Variants in ANGPT1 observed in about 807,000 individuals in gnomAD.
ANGPT1 encodes angiopoietin 1, also known as angiopoietin-1.
ANGPT1 carries 17 observed loss-of-function variants against 62.2 expected under a neutral mutation model. The observed-to-expected ratio is 0.27, with a 90% CI of 0.19 to 0.41. The LOEUF is 0.41. Among genes scored for constraint, ANGPT1 ranks in the 10% least tolerant of loss-of-function variants. The probability of loss-of-function intolerance (pLI) is 1.00; values close to 1 mark genes in which losing one functional copy is unlikely to be tolerated. For synonymous variants in ANGPT1, 199 were observed against 198.9 expected, an observed-to-expected ratio of 1.00 and a Z score of 0.00; for missense variants, 478 against 594.9, an observed-to-expected ratio of 0.80 and a Z score of 2.04.
intron 1 of ANGPT1, among the ~76,000 whole-genome samples, chr8:107,392,181 G>T (rs1218026736): frequency 6.6e-6 from 1 of 152,010 alleles, no homozygotes; most frequent in African/African-American, 2.4e-5. Context: ...TATCCTTGAG[G>T]ATAATCTTGT....
At chr8:107,361,931 C>T (rs745774112) in intron 1 of ANGPT1, among the ~76,000 whole-genome samples, 23 of 151,976 alleles carry the variant, frequency 1.5e-4, no homozygotes, top group African/African-American at 4.6e-4. Flanking sequence ...TGGTGGCAGA[C>T]GCCTGTAATC....
intron 1 of ANGPT1, among the ~76,000 whole-genome samples, chr8:107,419,237 G>T (rs1292201602): frequency 6.6e-6 from 1 of 152,032 alleles, no homozygotes; most frequent in Non-Finnish European, 1.5e-5. Flanking sequence ...AAGCAAGAAG[G>T]TTTCTCTGAC....
chr8:107,396,568 C>G (rs1816940662), intron 1 of ANGPT1, among the ~76,000 whole-genome samples: 1 of 121,000 alleles, frequency 8.3e-6, no homozygotes, highest in African/African-American at 3.2e-5. Flanking sequence ...GTCACCCAGG[C>G]TAGAGTGCAC....
At chr8:107,286,317 G>C (rs1474918974) in intron 6 of ANGPT1, among the ~76,000 whole-genome samples, 1 of 152,074 alleles carries the variant, frequency 6.6e-6, no homozygotes, top group Non-Finnish European at 1.5e-5. Flanking sequence ...ATCCGGATTT[G>C]CTCAATAAAA....
chr8:107,360,948 C>T (rs1441659828), intron 1 of ANGPT1, among the ~76,000 whole-genome samples: 1 of 152,152 alleles, frequency 6.6e-6, no homozygotes, highest in Non-Finnish European at 1.5e-5. Flanking sequence ...ATTCTTTCCT[C>T]AGGTCCATAG....
intron 7 of ANGPT1, among the ~76,000 whole-genome samples, chr8:107,282,219 G>A (rs1419949704): frequency 6.6e-6 from 1 of 151,800 alleles, no homozygotes; most frequent in African/African-American, 2.4e-5. Context: ...ATGTCAACGT[G>A]AATCGTATAC....
intron 1 of ANGPT1, among the ~76,000 whole-genome samples, chr8:107,367,901 C>T (rs1276109664): frequency 6.6e-6 from 1 of 152,218 alleles, no homozygotes; most frequent in African/African-American, 2.4e-5. Context: ...GCTTCCTCAA[C>T]TGAAGTCTTG....
At chr8:107,343,800 G>A (rs1280477669) in intron 2 of ANGPT1, among the ~76,000 whole-genome samples, 1 of 152,206 alleles carries the variant, frequency 6.6e-6, no homozygotes, top group Non-Finnish European at 1.5e-5. Flanking sequence ...GGTTGCTCAT[G>A]TCTGTAATCC....
chr8:107,329,103 T>A (rs1175381528), intron 3 of ANGPT1, among the ~76,000 whole-genome samples: 1 of 152,044 alleles, frequency 6.6e-6, no homozygotes, highest in African/African-American at 2.4e-5. Flanking sequence ...TATGCACATA[T>A]CATATAAACA....
chr8:107,289,330 C>T (rs910830942), intron 6 of ANGPT1, among the ~76,000 whole-genome samples: 2 of 152,076 alleles, frequency 1.3e-5, no homozygotes, highest in South Asian at 2.1e-4. Context: ...TTGTGCTTTT[C>T]CAAGTTAATA....
At chr8:107,481,136 C>T (rs958434366) in intron 1 of ANGPT1, among the ~76,000 whole-genome samples, 6 of 152,128 alleles carry the variant, frequency 3.9e-5, no homozygotes, top group African/African-American at 1.4e-4. Context: ...TTCATCTCAT[C>T]AAACAAGGGC....
chr8:107,366,592 A>G (rs1816278473), intron 1 of ANGPT1, among the ~76,000 whole-genome samples: 1 of 152,178 alleles, frequency 6.6e-6, no homozygotes, highest in Non-Finnish European at 1.5e-5. Flanking sequence ...ATTATTTTTA[A>G]GTTAACAGTT....
intron 3 of ANGPT1, among the ~76,000 whole-genome samples, chr8:107,323,269 C>T (rs983670199): frequency 8.5e-5 from 13 of 152,056 alleles, no homozygotes; most frequent in East Asian, 1.9e-4. Context: ...AGTTTTCCTC[C>T]GGGGAAAGGC....
At chr8:107,474,768 C>A (rs1313428813) in intron 1 of ANGPT1, among the ~76,000 whole-genome samples, 1 of 152,144 alleles carries the variant, frequency 6.6e-6, no homozygotes, top group Admixed American at 6.6e-5. Flanking sequence ...ACAAAAATCA[C>A]AAGCATTCTT....
At position 107,301,219 on chromosome 8, in the gene ANGPT1, T is replaced by C. The variant is rs141169937; in HGVS notation, c.936+2021A>G. 3.4e-3 allele frequency among the ~76,000 whole-genome samples: 510 copies of C among 152,120 alleles called. 3 individuals are homozygous for C. The highest frequency in any genetic ancestry group is 0.011 in the African/African-American group (443 of 41,550). ...ACTTTGGGAATTATTTTTCGATTCA[T>C]TTATATCACAGAATCACTATGAGTC... is the stretch of plus-strand genomic sequence containing the variant. On this transcript the variant is annotated intron_variant, in intron 5 of 8. Transcript: ENST00000517746.
intron 1 of ANGPT1, among the ~76,000 whole-genome samples, chr8:107,479,260 A>T (rs1812614987): frequency 6.6e-6 from 1 of 152,082 alleles, no homozygotes; most frequent in Non-Finnish European, 1.5e-5. Flanking sequence ...GCATGTTCAT[A>T]TATGTTGCTT....
intron 1 of ANGPT1, among the ~76,000 whole-genome samples, chr8:107,436,834 A>T (rs969158747): frequency 1.3e-5 from 2 of 152,232 alleles, no homozygotes; most frequent in African/African-American, 2.4e-5. Flanking sequence ...ACATAAGAAT[A>T]TAAATTCCTG....
At chr8:107,378,792 A>G (rs911544848) in intron 1 of ANGPT1, among the ~76,000 whole-genome samples, 3 of 152,114 alleles carry the variant, frequency 2.0e-5, no homozygotes, top group African/African-American at 7.2e-5. Context: ...ACCTTCCACC[A>G]TGATTGTAAG....
At chr8:107,487,412 C>A (rs906318382) in intron 1 of ANGPT1, among the ~76,000 whole-genome samples, 1 of 151,982 alleles carries the variant, frequency 6.6e-6, no homozygotes, top group Non-Finnish European at 1.5e-5. Context: ...AAAAAGCAAA[C>A]CATTTGGAAG....
Sources: allele counts gnomAD v4.1 joint callset (sites outside exome capture counted in the v4.1 genomes callset), GRCh38; gene constraint gnomAD v4.1.1; transcripts MANE v1.5; gene names NCBI Gene and HGNC (gene_info 2026-07-23, HGNC 2026-07-21).